FBXL7: variants seen among roughly 807,000 people sequenced by gnomAD.
The protein encoded by FBXL7 is F-box/LRR-repeat protein 7.
FBXL7 carries 12 observed loss-of-function variants against 38.3 expected under a neutral mutation model. The observed-to-expected ratio is 0.31, with a 90% CI of 0.20 to 0.51. The LOEUF (loss-of-function observed/expected upper bound fraction) is 0.51, where lower values mean the gene tolerates loss of function less well. Ranked by LOEUF, FBXL7 falls within the 20% of genes least tolerant of loss-of-function variation. FBXL7 has a pLI of 0.98. For synonymous variants in FBXL7, 297 were observed against 300.9 expected (o/e 0.99, Z 0.13); for missense variants, 567 against 676.4 (o/e 0.84, Z 1.79).
intron 2 of FBXL7, among the ~76,000 whole-genome samples, chr5:15,784,735 GCTCC>G (rs1737088621): frequency 1.3e-5 from 2 of 152,066 alleles, no homozygotes; most frequent in South Asian, 4.1e-4. Context: ...GTGTGTAAAA[GCTCC>G]CTGAGGCCTC....
chr5:15,856,129 G>A (rs1739264105), intron 2 of FBXL7, among the ~76,000 whole-genome samples: 1 of 152,052 alleles, frequency 6.6e-6, no homozygotes, highest in Non-Finnish European at 1.5e-5. Context: ...ATCATGACAG[G>A]GAGGTGAAAG....
At chr5:15,508,478 G>C (rs919317344) in intron 1 of FBXL7, among the ~76,000 whole-genome samples, 6 of 152,212 alleles carry the variant, frequency 3.9e-5, no homozygotes, top group Non-Finnish European at 4.4e-5. Context: ...CTAATGATTA[G>C]AGCTGCCCAA....
intron 1 of FBXL7, among the ~76,000 whole-genome samples, chr5:15,555,554 G>A (rs539562745): frequency 3.3e-5 from 5 of 152,104 alleles, no homozygotes; most frequent in African/African-American, 9.7e-5. Context: ...GATTTTCTTG[G>A]CTTTGCCCCT....
At chr5:15,777,775 T>C (rs1224250571) in intron 2 of FBXL7, among the ~76,000 whole-genome samples, 1 of 145,278 alleles carries the variant, frequency 6.9e-6, no homozygotes, top group East Asian at 2.1e-4. Context: ...GTTGAATAAC[T>C]TTTTTCTTAG....
intron 1 of FBXL7, among the ~76,000 whole-genome samples, chr5:15,525,578 T>C (rs1365637735): frequency 1.3e-5 from 2 of 151,954 alleles, no homozygotes; most frequent in Admixed American, 6.6e-5. Flanking sequence ...TAGGGCTTTT[T>C]CCTCCACACG....
In FBXL7 at chr5:15,663,989, A is replaced by G. The variant is rs535170624; in HGVS notation, c.127+47917A>G. On this transcript the variant is annotated intron_variant, in intron 2 of 3. Transcript: ENST00000504595. ...GATATGGTTGTATTCTTATCTACCA[A>G]CTGGCTACTTGTTTCCTCATAATCC... is the stretch of plus-strand genomic sequence containing the variant. Among the ~76,000 whole-genome samples the G allele has an allele frequency of 2.6e-5, 4 of 152,268 alleles. No individual in the cohort carries two copies. In the East Asian group the frequency reaches 5.8e-4, roughly 22 times the overall value.
chr5:15,701,744 C>T (rs1446792801), intron 2 of FBXL7, among the ~76,000 whole-genome samples: 9 of 151,982 alleles, frequency 5.9e-5, no homozygotes, highest in Non-Finnish European at 1.3e-4. Context: ...AGTAAGACAC[C>T]CTTCATGGAA....
chr5:15,552,956 C>G (rs747780642), intron 1 of FBXL7, among the ~76,000 whole-genome samples: 11 of 152,126 alleles, frequency 7.2e-5, no homozygotes, highest in Non-Finnish European at 1.3e-4. Flanking sequence ...ATGGCACGCA[C>G]CTATAGTCCC....
intron 1 of FBXL7, among the ~76,000 whole-genome samples, chr5:15,583,924 A>T (rs1019275692): frequency 6.6e-6 from 1 of 152,214 alleles, no homozygotes; most frequent in Non-Finnish European, 1.5e-5. Context: ...CTGGACATCC[A>T]GGCATTTCCA....
intron 2 of FBXL7, among the ~76,000 whole-genome samples, chr5:15,756,840 G>T (rs1232618705): frequency 6.6e-6 from 1 of 152,070 alleles, no homozygotes; most frequent in East Asian, 1.9e-4. Flanking sequence ...TTTAATACTA[G>T]AAATAGCCTT....
At chr5:15,925,672 C>G (rs1289683235) in intron 2 of FBXL7, among the ~76,000 whole-genome samples, 1 of 152,090 alleles carries the variant, frequency 6.6e-6, no homozygotes, top group African/African-American at 2.4e-5. Flanking sequence ...ATAATTAGAG[C>G]TGGAAATGAC....
intron 2 of FBXL7, among the ~76,000 whole-genome samples, chr5:15,788,854 ATTT>A (rs796860907): frequency 4.3e-4 from 57 of 132,402 alleles, no homozygotes; most frequent in African/African-American, 1.5e-3. Flanking sequence ...TAAGTTTTGT[ATTT>A]TTTTTTTTTT....
chr5:15,766,876 C>T (rs932596226), intron 2 of FBXL7, among the ~76,000 whole-genome samples: 6 of 152,330 alleles, frequency 3.9e-5, no homozygotes, highest in East Asian at 1.9e-4. Flanking sequence ...TCTACCGTGA[C>T]GAGCAGAACA....
chr5:15,501,739 C>T (rs986327950), intron 1 of FBXL7: 6 of 985,318 alleles, frequency 6.1e-6, no homozygotes, highest in African/African-American at 3.5e-5. Flanking sequence ...TGTCTCTCCT[C>T]GTTTCTCAGC....
chr5:15,904,009 T>G (rs1029282578), intron 2 of FBXL7, among the ~76,000 whole-genome samples: 1 of 152,162 alleles, frequency 6.6e-6, no homozygotes, highest in Non-Finnish European at 1.5e-5. Context: ...GTTGACACCA[T>G]GAAATACAGC....
intron 2 of FBXL7, among the ~76,000 whole-genome samples, chr5:15,633,203 G>A (rs1741058701): frequency 6.6e-6 from 1 of 152,078 alleles, no homozygotes; most frequent in Non-Finnish European, 1.5e-5. Context: ...AGGATTATAG[G>A]TTATTTTTAT....
chr5:15,662,626 G>A (rs12656882), intron 2 of FBXL7, among the ~76,000 whole-genome samples: 55,876 of 152,038 alleles, frequency 0.37, 10,563 homozygotes, highest in East Asian at 0.5. Flanking sequence ...GGTTTTTACA[G>A]TTTTGGGCTT....
chr5:15,603,204 T>C (rs1282455412), intron 1 of FBXL7, among the ~76,000 whole-genome samples: 2 of 152,178 alleles, frequency 1.3e-5, no homozygotes, highest in African/African-American at 2.4e-5. Flanking sequence ...TAATATGAAC[T>C]GTGTCTTGTT....
At chr5:15,552,828 A>C (rs779980887) in intron 1 of FBXL7, among the ~76,000 whole-genome samples, 48 of 152,222 alleles carry the variant, frequency 3.2e-4, no homozygotes, top group Admixed American at 1.0e-3. Context: ...TCACGCCTAT[A>C]ATCCCAGCAC....
Sources: gnomAD v4.1 joint callset for allele counts (sites outside exome capture counted in the v4.1 genomes callset) on GRCh38, gnomAD v4.1.1 for gene constraint, MANE v1.5 for transcripts, NCBI Gene and HGNC (gene_info 2026-07-23, HGNC 2026-07-21) for gene names.